Variants in DCUN1D2 observed in about 807,000 individuals in gnomAD.
DCUN1D2 encodes the protein DCN1-like protein 2.
A neutral mutation model predicts 30.9 loss-of-function variants in DCUN1D2; 29 were observed. The ratio of observed to expected loss-of-function variants is 0.94; its 90% CI spans 0.70 to 1.28. DCUN1D2 has a LOEUF of 1.28. DCUN1D2 is among the 50% of genes most tolerant of loss of function. DCUN1D2 has a pLI of 0.00. For synonymous variants in DCUN1D2, 121 were observed against 115.3 expected, an observed-to-expected ratio of 1.05 and a Z score of -0.32; for missense variants, 325 against 316.9, an observed-to-expected ratio of 1.03 and a Z score of -0.19.
In DCUN1D2 at chr13:113,490,577, C is replaced by T. The variant is rs890444194; in HGVS notation, c.3+90G>A. On this transcript the variant is annotated intron_variant, in intron 1 of 6. Transcript: ENST00000478244. The surrounding 1 kb of genome is among the most constrained non-coding windows in gnomAD (Gnocchi z 5.2). ...GCCCCGCGCAGCTCGCTGGGCTCGG[C>T]CTCCCACATCCAGCGCGCCGCCTGC... 3.5e-6 allele frequency: 4 copies of T among 1,144,550 alleles called. No individual in the cohort carries two copies. Among genetic ancestry groups the T allele is most frequent in the Non-Finnish European group, 4.4e-6 (4 of 912,606 alleles). 70.9% of individuals were successfully genotyped at this position (1,144,550 alleles called of 1,614,324 possible).
At chr13:113,479,638 G>A (rs962946722) in intron 3 of DCUN1D2, among the ~76,000 whole-genome samples, 2 of 152,028 alleles carry the variant, frequency 1.3e-5, no homozygotes, top group Admixed American at 6.6e-5. Flanking sequence ...CATGAGAATC[G>A]CTTGAACTCA....
chr13:113,474,847 C>T (rs1037616320), intron 3 of DCUN1D2, among the ~76,000 whole-genome samples: 5 of 152,218 alleles, frequency 3.3e-5, no homozygotes, highest in Non-Finnish European at 5.9e-5. Context: ...CTCATATAAA[C>T]TTAAGCTACC....
At chr13:113,472,027 C>G (rs897042002) in intron 4 of DCUN1D2, among the ~76,000 whole-genome samples, 1 of 151,960 alleles carries the variant, frequency 6.6e-6, no homozygotes, top group Non-Finnish European at 1.5e-5. Flanking sequence ...AGTGTATTAC[C>G]CCCCCAACCC....
chr13:113,487,534 A>G (rs1167363141), intron 1 of DCUN1D2, among the ~76,000 whole-genome samples: 1 of 152,188 alleles, frequency 6.6e-6, no homozygotes, highest in East Asian at 1.9e-4. Context: ...GCCACAGTGC[A>G]CGAGTCCAGC....
chr13:113,484,490 A>AT (rs1254864172), intron 1 of DCUN1D2, among the ~76,000 whole-genome samples: 7 of 151,976 alleles, frequency 4.6e-5, no homozygotes, highest in African/African-American at 1.7e-4. Flanking sequence ...CGGTTTGGAG[A>AT]TTTTTTTTCC....
intron 1 of DCUN1D2, chr13:113,489,061 C>G (rs1442925020): frequency 4.2e-6 from 4 of 953,778 alleles, no homozygotes; most frequent in Non-Finnish European, 5.0e-6. Context: ...AAAGAAATTA[C>G]TCTTAAAATG....
chr13:113,483,858 G>T lies in DCUN1D2; in HGVS notation c.202C>A (p.Leu68Met). ...NAVDKKKLERLYGRYKDPQDE... is the reference protein window; with the variant it reads ...NAVDKKKLERMYGRYKDPQDE... The stretch of plus-strand genomic sequence containing the variant: ...CTCTTACCTTTGTACCTGCCGTACA[G>T]CCGCTCCAGCTTCTTCTTGTCCACA... The change falls in exon 2 of 7, where the codon CTG becomes ATG. Residue 68 changes from leucine (L) to methionine (M), a missense_variant. Leu to Met is a conservative substitution (Grantham distance 15). Coordinates refer to ENST00000478244, the MANE Select transcript of DCUN1D2 (RefSeq NM_001014283.2). 1 of 1,612,578 alleles carries T rather than the reference G, an allele frequency of 6.2e-7. No individual in the cohort carries two copies.
chr13:113,472,016 G>A (rs747096473), intron 4 of DCUN1D2, among the ~76,000 whole-genome samples: 4 of 152,268 alleles, frequency 2.6e-5, no homozygotes, highest in Non-Finnish European at 2.9e-5. Flanking sequence ...AGTCGGGGGA[G>A]AGTGTATTAC....
chr13:113,474,773 T>A (rs2044585288), intron 3 of DCUN1D2, among the ~76,000 whole-genome samples: 1 of 152,176 alleles, frequency 6.6e-6, no homozygotes, highest in African/African-American at 2.4e-5. Flanking sequence ...ACTTGCAGAA[T>A]GGCAGTCGCC....
intron 2 of DCUN1D2, among the ~76,000 whole-genome samples, chr13:113,482,716 G>T (rs536973199): frequency 4.6e-5 from 7 of 152,150 alleles, no homozygotes; most frequent in Non-Finnish European, 8.8e-5. Context: ...AGGCCGAGGC[G>T]GGTGGATCAT....
At position 113,462,580 on chromosome 13, in the gene DCUN1D2, G is replaced by C. The variant is rs887614178; in HGVS notation, c.521-1444C>G. Among the ~76,000 whole-genome samples the C allele has an allele frequency of 5.3e-5, 8 of 152,162 alleles. No individual in the cohort carries two copies. The East Asian group carries it at 1.5e-3, about 29-fold the overall frequency. On this transcript the variant is annotated intron_variant, in intron 4 of 6. Coordinates refer to ENST00000478244, the MANE Select transcript of DCUN1D2 (RefSeq NM_001014283.2). The stretch of plus-strand genomic sequence containing the variant: ...GGGATAAGAAAGAGGCATATGAGTA[G>C]CAAATCCCACTTTAAATAAAACGCC...
intron 2 of DCUN1D2, 22 bp downstream of exon 2, chr13:113,483,818 C>CT (rs1281932527): frequency 1.2e-6 from 2 of 1,606,726 alleles, no homozygotes; most frequent in Non-Finnish European, 1.7e-6. Flanking sequence ...ATCCGTCCGG[C>CT]TTTGCTGCAG....
intron 1 of DCUN1D2, among the ~76,000 whole-genome samples, chr13:113,489,456 T>C (rs1025513144): frequency 2.0e-5 from 3 of 152,216 alleles, no homozygotes; most frequent in Non-Finnish European, 2.9e-5. Context: ...GCTGCTCTTT[T>C]GTTCAGCACT....
At chr13:113,464,765 G>A (rs2044374097) in intron 4 of DCUN1D2, among the ~76,000 whole-genome samples, 1 of 152,366 alleles carries the variant, frequency 6.6e-6, no homozygotes, top group South Asian at 2.1e-4. Context: ...ATCTGCCCAA[G>A]TTCCTGACCC....
chr13:113,487,828 T>G (rs2044835456), intron 1 of DCUN1D2, among the ~76,000 whole-genome samples: 1 of 152,258 alleles, frequency 6.6e-6, no homozygotes, highest in Non-Finnish European at 1.5e-5. Context: ...TTGTACACTT[T>G]AAAATAGTTA....
rs76594804 is a variant in DCUN1D2, at chr13:113,468,444, G to C, written c.520+5680C>G. Among the ~76,000 whole-genome samples the C allele has an allele frequency of 4.9e-3, 752 of 152,284 alleles. 39 individuals are homozygous for C. In the East Asian group the frequency reaches 0.12, roughly 24 times the overall value. ...AGTTTGGGAAGATGAGAAAGTTCTG[G>C]GAATGAATACTGGTGATGTTTACAC... On this transcript the variant is annotated intron_variant, in intron 4 of 6. Transcript: ENST00000478244.
chr13:113,474,293 G>A (rs368427815), intron 3 of DCUN1D2, 39 bp from the exon 4 acceptor site: 28 of 1,606,998 alleles, frequency 1.7e-5, no homozygotes, highest in African/African-American at 1.2e-4. Context: ...CAGCAGATGC[G>A]CCTCCCTAGT....
rs982686154 is a variant in DCUN1D2 at position 113,490,464 on chromosome 13, C to A, written c.3+203G>T. 2.6e-5 allele frequency: 13 copies of A among 491,114 alleles called. No individual in the cohort carries two copies. The highest frequency in any genetic ancestry group is 2.5e-5 in the Non-Finnish European group (8 of 316,194). 30.4% of individuals were successfully genotyped at this position (491,114 alleles called of 1,614,324 possible). On this transcript the variant is annotated intron_variant, in intron 1 of 6. Transcript: ENST00000478244. The surrounding 1 kb of genome is among the most constrained non-coding windows in gnomAD (Gnocchi z 5.2). ...TCGTCCCTCGCGGCTCCGGGTCAAACCCGCGCTCCCCGCGGTCCCGCGCCT... is the reference window on the plus strand; with the variant it reads ...TCGTCCCTCGCGGCTCCGGGTCAAAACCGCGCTCCCCGCGGTCCCGCGCCT...
chr13:113,491,392 C>CAAGG (rs1356702356), upstream of DCUN1D2: 1 of 150,690 alleles, frequency 6.6e-6, no homozygotes, highest in Non-Finnish European at 1.5e-5. Flanking sequence ...CTTCCCTTCC[C>CAAGG]AAGGGTCCCC....
Sources: allele counts gnomAD v4.1 joint callset (sites outside exome capture counted in the v4.1 genomes callset), GRCh38; gene constraint gnomAD v4.1.1; non-coding constraint Gnocchi (gnomAD v3.1); transcripts MANE v1.5; gene names NCBI Gene and HGNC (gene_info 2026-07-23, HGNC 2026-07-21).